The following CERKL variants were observed in gnomAD, a reference collection of about 807,000 sequenced individuals.
CERKL encodes CERK like autophagy regulator.
In CERKL, 61 loss-of-function variants were observed where a neutral mutation model predicts 63.4. That is an observed-to-expected ratio of 0.96 (90% CI 0.78 to 1.19). CERKL has a LOEUF of 1.19. Ranked by LOEUF, CERKL falls within the 50% of genes most tolerant of loss-of-function variation. The pLI, the probability that CERKL is intolerant of heterozygous loss-of-function variation, is 0.00. For synonymous variants in CERKL, 250 were observed against 230.5 expected (o/e 1.08, Z -0.77); for missense variants, 675 against 655.5 (o/e 1.03, Z -0.33).
intron 1 of CERKL, among the ~76,000 whole-genome samples, chr2:181,648,279 G>A (rs371053294): frequency 5.9e-5 from 9 of 152,140 alleles, no homozygotes; most frequent in Middle Eastern, 3.4e-3. Context: ...AAATCTGCAA[G>A]AGAAAAGCAT....
chr2:181,541,056 C>T (rs901002117), intron 11 of CERKL, among the ~76,000 whole-genome samples: 1 of 152,148 alleles, frequency 6.6e-6, no homozygotes, highest in African/African-American at 2.4e-5. Context: ...GCCCCTTGGC[C>T]CTCAAATTCC....
chr2:181,600,663 A>C (rs1311138585), intron 2 of CERKL, among the ~76,000 whole-genome samples: 3 of 152,236 alleles, frequency 2.0e-5, no homozygotes, highest in Admixed American at 2.0e-4. Flanking sequence ...AGATTTAACT[A>C]TCCTAAATAA....
intron 1 of CERKL, among the ~76,000 whole-genome samples, chr2:181,625,487 T>C (rs911270882): frequency 1.2e-4 from 19 of 152,120 alleles, no homozygotes; most frequent in Admixed American, 7.9e-4. Flanking sequence ...AGACAAATGG[T>C]ATGCCATGTT....
chr2:181,652,935 C>T (rs1178522161), intron 1 of CERKL, among the ~76,000 whole-genome samples: 3 of 152,014 alleles, frequency 2.0e-5, no homozygotes, highest in Admixed American at 6.6e-5. Context: ...CCACCACACC[C>T]GGCTAATTTT....
At chr2:181,631,654 C>T (rs1441907820) in intron 1 of CERKL, among the ~76,000 whole-genome samples, 5 of 152,150 alleles carry the variant, frequency 3.3e-5, no homozygotes, top group African/African-American at 1.2e-4. Flanking sequence ...GAGGAAGGTC[C>T]CATATGGAGG....
chr2:181,653,872 C>T (rs935393311), intron 1 of CERKL, among the ~76,000 whole-genome samples: 4 of 152,020 alleles, frequency 2.6e-5, no homozygotes, highest in African/African-American at 9.7e-5. Context: ...CAGTAAAATA[C>T]TATATATTAC....
intron 1 of CERKL, among the ~76,000 whole-genome samples, chr2:181,624,511 C>T (rs1271658798): frequency 1.3e-5 from 2 of 151,976 alleles, no homozygotes; most frequent in Admixed American, 6.6e-5. Flanking sequence ...CCAGCCAAGG[C>T]GAAAGTAAGA....
At chr2:181,607,251 C>T (rs1460081900) in intron 1 of CERKL, among the ~76,000 whole-genome samples, 1 of 152,216 alleles carries the variant, frequency 6.6e-6, no homozygotes, top group African/African-American at 2.4e-5. Context: ...CTGAGAGTCC[C>T]TGGACCGCAC....
At chr2:181,567,046 T>C (rs146122154) in intron 3 of CERKL, among the ~76,000 whole-genome samples, 3 of 152,260 alleles carry the variant, frequency 2.0e-5, no homozygotes, top group Admixed American at 6.5e-5. Context: ...TCGATATTGT[T>C]AAAAATTATT....
intron 1 of CERKL, among the ~76,000 whole-genome samples, chr2:181,652,780 T>C (rs1408083813): frequency 2.3e-4 from 2 of 8,792 alleles, no homozygotes. Flanking sequence ...TAATAATGAC[T>C]TTTTTTTTTT....
Position 181,603,960 on chromosome 2 carries a change from T to C in CERKL, c.358A>G (p.Ile120Val). 1 of 1,613,374 alleles carries C rather than the reference T, an allele frequency of 6.2e-7. No individual in the cohort carries two copies. Residue 120 changes from isoleucine to valine, a missense_variant, in exon 2 of 13, where the codon ATC becomes GTC. Coordinates refer to ENST00000410087, the MANE Select transcript of CERKL (RefSeq NM_201548.5). ...TTTTTCAAGCAGATGAAGAGTGTGA[T>C]ACCTAATAAAGTACCACTTCTCTGC... Reference protein sequence around the residue: ...KQQRSGTLLGITLFICLKKEQ... With the variant: ...KQQRSGTLLGVTLFICLKKEQ...
chr2:181,574,456 A>G (rs1689038230), intron 2 of CERKL, among the ~76,000 whole-genome samples: 1 of 152,166 alleles, frequency 6.6e-6, no homozygotes, highest in Admixed American at 6.5e-5. Flanking sequence ...TCAAGCCTGA[A>G]AAGGGGCCAG....
chr2:181,548,551 T>G lies in CERKL; in HGVS notation c.1127A>C (p.Gln376Pro), dbSNP rs746220721. 47 of 1,609,982 alleles carry G rather than the reference T, an allele frequency of 2.9e-5. No homozygotes were observed. The East Asian group carries it at 8.7e-4, about 30-fold the overall frequency. Residue 376 changes from glutamine to proline, a missense_variant, in exon 8 of 13, where the codon CAA becomes CCA. Transcript: ENST00000410087. ...ACATTGAGTTTTTACCTACCTTTCT[T>G]GCACATCATCAGAGCTGTTAAATGG... is the stretch of plus-strand genomic sequence containing the variant. Reference protein sequence around the residue: ...FLPFNSSDDVQERRAQGSPKS... With the variant: ...FLPFNSSDDVPERRAQGSPKS...
chr2:181,586,239 T>G (rs35623257), intron 2 of CERKL, among the ~76,000 whole-genome samples: 32,826 of 152,042 alleles, frequency 0.22, 4,807 homozygotes, highest in African/African-American at 0.42. Context: ...ACTAAACAAT[T>G]AACATTTTTA....
At chr2:181,551,506 G>A (rs898929619) in intron 5 of CERKL, among the ~76,000 whole-genome samples, 4 of 151,878 alleles carry the variant, frequency 2.6e-5, no homozygotes, top group Non-Finnish European at 5.9e-5. Context: ...CAAAGGATAC[G>A]AACAGACACT....
At chr2:181,648,031 T>TA (rs1234474858) in intron 1 of CERKL, among the ~76,000 whole-genome samples, 2 of 151,866 alleles carry the variant, frequency 1.3e-5, no homozygotes, top group South Asian at 2.1e-4. Flanking sequence ...ACCCAAAGTT[T>TA]AAAAAAAACT....
At chr2:181,577,740 G>C (rs1283480285) in intron 2 of CERKL, among the ~76,000 whole-genome samples, 1 of 152,144 alleles carries the variant, frequency 6.6e-6, no homozygotes, top group Non-Finnish European at 1.5e-5. Flanking sequence ...GTGACATGGG[G>C]TGGAAGAGGT....
intron 1 of CERKL, among the ~76,000 whole-genome samples, chr2:181,605,866 A>G (rs1317638040): frequency 1.3e-5 from 2 of 152,068 alleles, no homozygotes; most frequent in Non-Finnish European, 2.9e-5. Flanking sequence ...AGTATGAACA[A>G]TGTTATCCTC....
intron 1 of CERKL, among the ~76,000 whole-genome samples, chr2:181,612,749 CTTTA>C (rs1442685293): frequency 6.6e-6 from 1 of 151,968 alleles, no homozygotes; most frequent in Non-Finnish European, 1.5e-5. Context: ...TTAATTACAA[CTTTA>C]TTTTTTGCTG....
Sources: gnomAD v4.1 joint callset for allele counts (sites outside exome capture counted in the v4.1 genomes callset) on GRCh38, gnomAD v4.1.1 for gene constraint, MANE v1.5 for transcripts, NCBI Gene and HGNC (gene_info 2026-07-23, HGNC 2026-07-21) for gene names.